The following LRCH3 variants were observed in gnomAD, a reference collection of about 807,000 sequenced individuals.
LRCH3 encodes DISP complex protein LRCH3.
In LRCH3, 68 loss-of-function variants were observed where a neutral mutation model predicts 104.5. The observed-to-expected ratio is 0.65, with a 90% CI of 0.54 to 0.80. LRCH3 has a LOEUF of 0.80. LRCH3 is among the 30% of genes least tolerant of loss of function. LRCH3 has a pLI of 0.00. For missense variants in LRCH3, 951 were observed against 953.9 expected, an observed-to-expected ratio of 1.00 and a Z score of 0.04; for synonymous variants, 344 against 361.3, an observed-to-expected ratio of 0.95 and a Z score of 0.54.
chr3:197,879,264 C>A (rs1487229246), intron 20 of LRCH3, among the ~76,000 whole-genome samples: 1 of 151,664 alleles, frequency 6.6e-6, no homozygotes, highest in Non-Finnish European at 1.5e-5. Context: ...ATTTTGCAAT[C>A]TGTAAAATGG....
intron 4 of LRCH3, among the ~76,000 whole-genome samples, chr3:197,824,293 G>A (rs1277962760): frequency 2.0e-5 from 3 of 150,160 alleles, no homozygotes; most frequent in Non-Finnish European, 2.9e-5. Flanking sequence ...TCGAACCCCT[G>A]ACCTCGTGAT....
intron 1 of LRCH3, among the ~76,000 whole-genome samples, chr3:197,802,969 T>C (rs986019645): frequency 6.6e-6 from 1 of 152,302 alleles, no homozygotes; most frequent in South Asian, 2.1e-4. Context: ...TGCTTCTCTT[T>C]GGTGTGAAAA....
At chr3:197,864,082 G>T (rs898151887) in intron 15 of LRCH3, among the ~76,000 whole-genome samples, 1 of 146,614 alleles carries the variant, frequency 6.8e-6, no homozygotes, top group East Asian at 2.1e-4. Flanking sequence ...GAGGCAGGTG[G>T]ATCACCTGAG....
At chr3:197,876,690 T>G (rs1013665211) in intron 20 of LRCH3, among the ~76,000 whole-genome samples, 2 of 152,170 alleles carry the variant, frequency 1.3e-5, no homozygotes, top group African/African-American at 2.4e-5. Context: ...GAGGAAAACA[T>G]GATTCTTCTC....
At chr3:197,850,308 T>C (rs533247668) in intron 12 of LRCH3, 1 of 659,428 alleles carries the variant, frequency 1.5e-6, no homozygotes, top group Admixed American at 2.8e-5. Context: ...TTATATATAT[T>C]TACTCATTTA....
At chr3:197,821,427 T>A (rs1734477467) in intron 4 of LRCH3, among the ~76,000 whole-genome samples, 1 of 152,170 alleles carries the variant, frequency 6.6e-6, no homozygotes, top group South Asian at 2.1e-4. Flanking sequence ...TTTTATGAGA[T>A]CCAGAATATA....
At chr3:197,835,092 C>T (rs1246386748) in intron 8 of LRCH3, among the ~76,000 whole-genome samples, 9 of 152,028 alleles carry the variant, frequency 5.9e-5, no homozygotes, top group Non-Finnish European at 1.3e-4. Context: ...TGCAGTGAGC[C>T]AAGATTGCAC....
chr3:197,883,006 A>G lies in LRCH3; in HGVS notation c.2209-535A>G, dbSNP rs1293240223. On this transcript the variant is annotated intron_variant, in intron 20 of 20. Coordinates refer to ENST00000425562, the MANE Select transcript of LRCH3 (RefSeq NM_001365715.1). The surrounding 1 kb of genome is among the most constrained non-coding windows in gnomAD (Gnocchi z 4.2). ...CAGGATACACTGAGTTTCTTGCCCT[A>G]TCTGGTCTGGAAACCCTGGTTTTCA... The G allele has an allele frequency of 1.3e-5, 13 of 985,284 alleles. No individual in the cohort carries two copies. The highest frequency in any genetic ancestry group is 4.7e-5 in the South Asian group (1 of 21,292). 61.0% of individuals were successfully genotyped at this position (985,284 alleles called of 1,614,324 possible). A position where few individuals can be genotyped will look rare whatever the true frequency, so the allele number is the denominator to read the frequency against.
intron 1 of LRCH3, among the ~76,000 whole-genome samples, chr3:197,809,788 G>T (rs943064618): frequency 6.6e-6 from 1 of 151,722 alleles, no homozygotes; most frequent in Admixed American, 6.6e-5. Context: ...TTGTTGTTGA[G>T]GCTTTCTGGT....
intron 5 of LRCH3, among the ~76,000 whole-genome samples, chr3:197,828,196 A>G (rs1735459552): frequency 6.6e-6 from 1 of 152,102 alleles, no homozygotes; most frequent in African/African-American, 2.4e-5. Context: ...TAAAGTCACA[A>G]ATTCCTACTT....
At chr3:197,824,852 G>C (rs1487627534) in intron 4 of LRCH3, among the ~76,000 whole-genome samples, 1 of 151,562 alleles carries the variant, frequency 6.6e-6, no homozygotes, top group East Asian at 2.0e-4. Context: ...TTACAGGCGT[G>C]AGCCACTGCA....
chr3:197,811,564 TAGA>T (rs1733127771), intron 1 of LRCH3, among the ~76,000 whole-genome samples: 1 of 152,196 alleles, frequency 6.6e-6, no homozygotes. Flanking sequence ...GAGGAGTTAT[TAGA>T]AGAACACAAG....
In LRCH3 at chr3:197,880,101, A is replaced by G. The variant is rs371743439; in HGVS notation, c.2209-3440A>G. Among the ~76,000 whole-genome samples the G allele has an allele frequency of 5.7e-3, 853 of 149,866 alleles. 11 individuals are homozygous for G. The highest frequency in any genetic ancestry group is 0.015 in the African/African-American group (591 of 40,386). ...GCTGGGACTACAGGCGCCCGCCACCACGCCCGGCTAATTTTTTGTATTTTT... is the reference window on the plus strand; with the variant it reads ...GCTGGGACTACAGGCGCCCGCCACCGCGCCCGGCTAATTTTTTGTATTTTT... On this transcript the variant is annotated intron_variant, in intron 20 of 20. Transcript: ENST00000425562.
chr3:197,878,654 C>A (rs2109560379), intron 20 of LRCH3, among the ~76,000 whole-genome samples: 1 of 152,296 alleles, frequency 6.6e-6, no homozygotes, highest in South Asian at 2.1e-4. Context: ...TCCTAGCAAG[C>A]TGCTACTTCT....
Position 197,855,719 on chromosome 3 carries a change from A to T in LRCH3, c.1644+1274A>T, listed in dbSNP as rs75105397. ...AACAGTGGAATTTAGAAAAACAACA[A>T]CAGCAAAATCCCCTTAGTGCGTAAC... On this transcript the variant is annotated intron_variant, in intron 14 of 20. Transcript: ENST00000425562. Among the ~76,000 whole-genome samples, 3 of 152,300 alleles carry T rather than the reference A, an allele frequency of 2.0e-5. No individual in the cohort carries two copies. In the East Asian group the frequency reaches 5.8e-4, roughly 29 times the overall value.
intron 10 of LRCH3, among the ~76,000 whole-genome samples, chr3:197,839,975 A>G (rs1211674071): frequency 2.6e-5 from 4 of 151,768 alleles, no homozygotes; most frequent in Non-Finnish European, 5.9e-5. Flanking sequence ...CTGTCTCAAA[A>G]AAAAAAAAAA....
intron 1 of LRCH3, among the ~76,000 whole-genome samples, chr3:197,792,168 C>T (rs1024775991): frequency 4.6e-5 from 7 of 151,618 alleles, no homozygotes; most frequent in Non-Finnish European, 7.4e-5. Flanking sequence ...CGTCTTTCTT[C>T]GCCTCCATCT....
At chr3:197,879,470 C>T (rs1042435963) in intron 20 of LRCH3, among the ~76,000 whole-genome samples, 11 of 150,856 alleles carry the variant, frequency 7.3e-5, no homozygotes, top group East Asian at 3.9e-4. Flanking sequence ...CATGGTGAAA[C>T]CCCGTCTCTA....
At chr3:197,806,184 C>T (rs1274707938) in intron 1 of LRCH3, among the ~76,000 whole-genome samples, 1 of 152,106 alleles carries the variant, frequency 6.6e-6, no homozygotes, top group Non-Finnish European at 1.5e-5. Context: ...CCTCGGCCTC[C>T]CAAAGTGCTG....
Sources: allele counts gnomAD v4.1 joint callset (sites outside exome capture counted in the v4.1 genomes callset), GRCh38; gene constraint gnomAD v4.1.1; non-coding constraint Gnocchi (gnomAD v3.1); transcripts MANE v1.5; gene names NCBI Gene and HGNC (gene_info 2026-07-23, HGNC 2026-07-21).